NCALD: variants seen among roughly 807,000 people sequenced by gnomAD.
NCALD encodes the protein neurocalcin delta.
A neutral mutation model predicts 18.6 loss-of-function variants in NCALD; 10 were observed. The ratio of observed to expected loss-of-function variants is 0.54; its 90% CI spans 0.33 to 0.91. The LOEUF (loss-of-function observed/expected upper bound fraction) is 0.91, where lower values mean the gene tolerates loss of function less well. Ranked by LOEUF, NCALD falls within the 40% of genes least tolerant of loss-of-function variation. NCALD has a pLI of 0.03. For missense variants in NCALD, 184 were observed against 247.6 expected, an observed-to-expected ratio of 0.74 and a Z score of 1.72; for synonymous variants, 88 against 87.4, an observed-to-expected ratio of 1.01 and a Z score of -0.04.
At chr8:101,775,915 A>C (rs952515298) in intron 1 of NCALD, among the ~76,000 whole-genome samples, 2 of 152,172 alleles carry the variant, frequency 1.3e-5, no homozygotes, top group Admixed American at 1.3e-4. Flanking sequence ...CATACAACTG[A>C]GAATATCCTG....
chr8:101,782,578 T>C (rs923427560), intron 1 of NCALD, among the ~76,000 whole-genome samples: 6 of 152,198 alleles, frequency 3.9e-5, no homozygotes, highest in African/African-American at 1.4e-4. Flanking sequence ...ATATAGATTA[T>C]ATATTTTTTC....
chr8:101,900,075 T>C (rs116504040), intron 3 of NCALD, among the ~76,000 whole-genome samples: 1,665 of 152,008 alleles, frequency 0.011, 27 homozygotes, highest in African/African-American at 0.038. Flanking sequence ...TTATCTATTT[T>C]ATATTGTATG....
chr8:101,872,313 G>A (rs549479211), intron 4 of NCALD: 13 of 1,375,520 alleles, frequency 9.5e-6, no homozygotes, highest in Admixed American at 3.4e-5. Flanking sequence ...TCCCCTCAGC[G>A]AGTCTCTGCC....
intron 4 of NCALD, among the ~76,000 whole-genome samples, chr8:101,816,971 T>A (rs1363227542): frequency 3.3e-5 from 5 of 150,412 alleles, no homozygotes; most frequent in African/African-American, 7.3e-5. Context: ...AAAGTGTCTT[T>A]AAAAAAAAAA....
At chr8:101,843,172 A>T (rs1814714282) in intron 4 of NCALD, among the ~76,000 whole-genome samples, 1 of 152,246 alleles carries the variant, frequency 6.6e-6, no homozygotes, top group Non-Finnish European at 1.5e-5. Context: ...CTAGCATGTA[A>T]CACAGTACTT....
chr8:101,942,951 A>C (rs1256249162), intron 2 of NCALD, among the ~76,000 whole-genome samples: 2 of 152,196 alleles, frequency 1.3e-5, no homozygotes, highest in African/African-American at 4.8e-5. Flanking sequence ...TATGACATGC[A>C]AGTGGCTGAC....
intron 3 of NCALD, among the ~76,000 whole-genome samples, chr8:101,910,540 G>A (rs1238378139): frequency 6.6e-6 from 1 of 152,150 alleles, no homozygotes; most frequent in Non-Finnish European, 1.5e-5. Flanking sequence ...GAAATCCAAT[G>A]TGGATTTAAT....
At chr8:101,998,416 A>G (rs1340902576) in intron 2 of NCALD, among the ~76,000 whole-genome samples, 1 of 151,608 alleles carries the variant, frequency 6.6e-6, no homozygotes, top group Non-Finnish European at 1.5e-5. Flanking sequence ...CACTGTCCCA[A>G]AGTTATCTAC....
At chr8:101,745,967 C>T (rs1372550150) in intron 1 of NCALD, 1 of 152,184 alleles carries the variant, frequency 6.6e-6, no homozygotes, top group African/African-American at 2.4e-5. Context: ...CATTACGCAC[C>T]ACCATATCTC....
chr8:101,928,944 G>A (rs999921018), intron 2 of NCALD, among the ~76,000 whole-genome samples: 3 of 151,940 alleles, frequency 2.0e-5, no homozygotes, highest in African/African-American at 4.8e-5. Flanking sequence ...CAGGGTGTCA[G>A]GGGAGGCGAG....
chr8:102,086,543 G>C (rs1824743181), intron 1 of NCALD, among the ~76,000 whole-genome samples: 1 of 152,078 alleles, frequency 6.6e-6, no homozygotes, highest in South Asian at 2.1e-4. Flanking sequence ...CCCTCCTCTT[G>C]AATCAAGTCA....
chr8:101,820,055 T>G lies in NCALD; in HGVS notation c.-20+67086A>C, dbSNP rs1404520135. ...CTAGCCATAAGTATTCTAACTGATG[T>G]TCTCCTTTACAACTCTGAGGGTTAG... On this transcript the variant is annotated intron_variant, in intron 4 of 6. Transcript: ENST00000311028. 2.6e-5 allele frequency among the ~76,000 whole-genome samples: 4 copies of G among 152,256 alleles called. No individual in the cohort carries two copies. The East Asian group carries it at 7.7e-4, about 29-fold the overall frequency.
chr8:101,967,777 C>G (rs939142124), intron 2 of NCALD, among the ~76,000 whole-genome samples: 11 of 152,126 alleles, frequency 7.2e-5, no homozygotes, highest in Admixed American at 3.3e-4. Context: ...CTTGGACTCT[C>G]TACCCCAGAG....
intron 4 of NCALD, among the ~76,000 whole-genome samples, chr8:101,857,886 T>C (rs1463125886): frequency 2.0e-5 from 3 of 152,192 alleles, no homozygotes; most frequent in East Asian, 3.9e-4. Flanking sequence ...CAGTTCACCA[T>C]AGCAATGAGA....
At chr8:101,788,163 G>A (rs1048771804) in intron 1 of NCALD, among the ~76,000 whole-genome samples, 2 of 152,164 alleles carry the variant, frequency 1.3e-5, no homozygotes, top group East Asian at 1.9e-4. Context: ...AATCCGATGC[G>A]GTGGAACCGA....
intron 2 of NCALD, among the ~76,000 whole-genome samples, chr8:101,957,308 T>TTA (rs1250612548): frequency 4.0e-5 from 6 of 148,486 alleles, no homozygotes; most frequent in African/African-American, 1.0e-4. Context: ...TTTTTTTTTT[T>TTA]TTTTTTAGCA....
intron 2 of NCALD, among the ~76,000 whole-genome samples, chr8:102,006,348 A>C (rs1821712392): frequency 6.6e-6 from 1 of 152,040 alleles, no homozygotes; most frequent in African/African-American, 2.4e-5. Flanking sequence ...CCCTAATAAC[A>C]TAGTAGCTAT....
At chr8:101,797,937 T>C (rs1400529604) in intron 4 of NCALD, among the ~76,000 whole-genome samples, 1 of 152,142 alleles carries the variant, frequency 6.6e-6, no homozygotes, top group East Asian at 1.9e-4. Context: ...ATCTTTTATG[T>C]CTTCAAAGTC....
intron 1 of NCALD, among the ~76,000 whole-genome samples, chr8:102,041,191 C>G (rs1487401063): frequency 1.4e-4 from 21 of 152,186 alleles, no homozygotes; most frequent in Admixed American, 1.4e-3. Context: ...ACCTTTGCAG[C>G]CTTTGTGCCA....
Sources: gnomAD v4.1 joint callset for allele counts (sites outside exome capture counted in the v4.1 genomes callset) on GRCh38, gnomAD v4.1.1 for gene constraint, MANE v1.5 for transcripts, NCBI Gene and HGNC (gene_info 2026-07-23, HGNC 2026-07-21) for gene names.